Variants in C3 observed in about 807,000 individuals in gnomAD.
The protein encoded by C3 is C3 and PZP-like alpha-2-macroglobulin domain-containing protein 1.
A neutral mutation model predicts 207.9 loss-of-function variants in C3; 97 were observed. That is an observed-to-expected ratio of 0.47 (90% CI 0.40 to 0.55). C3 has a LOEUF of 0.55. Among genes scored for constraint, C3 ranks in the 20% least tolerant of loss-of-function variants. The pLI, the probability that C3 is intolerant of heterozygous loss-of-function variation, is 0.00. For synonymous variants in C3, 848 were observed against 857.6 expected (o/e 0.99, Z 0.20); for missense variants, 1,684 against 2,171.7 (o/e 0.78, Z 4.46).
chr19:6,683,446 A>ATTTTTTTTTTTTTTT (rs770744810), intron 33 of C3: 10 of 93,428 alleles, frequency 1.1e-4, no homozygotes, highest in East Asian at 3.0e-4. Context: ...GTTTTATTCT[A>ATTTTTTTTTTTTTTT]TTTTTTTTTT....
At chr19:6,714,275 C>T in intron 5 of C3, 27 bp from the exon 6 acceptor site, 1 of 1,613,100 alleles carries the variant, frequency 6.2e-7, no homozygotes, top group Non-Finnish European at 8.5e-7. Flanking sequence ...TGAGTGGTCT[C>T]TCAGGCCTCG....
intron 19 of C3, among the ~76,000 whole-genome samples, chr19:6,698,772 C>G (rs1170063885): frequency 6.6e-6 from 1 of 152,044 alleles, no homozygotes; most frequent in Non-Finnish European, 1.5e-5. Context: ...TGAAACACCA[C>G]TGAATTATAT....
At chr19:6,702,371 G>T (rs935963222) in intron 18 of C3, 100 bp downstream of exon 18, 2 of 1,004,200 alleles carry the variant, frequency 2.0e-6, no homozygotes, top group Non-Finnish European at 3.2e-6. Flanking sequence ...TGGGCTGTGG[G>T]GTTGCACTGT....
At chr19:6,704,877 G>T (rs1250860310) in intron 17 of C3, among the ~76,000 whole-genome samples, 1 of 150,132 alleles carries the variant, frequency 6.7e-6, no homozygotes, top group African/African-American at 2.5e-5. Flanking sequence ...CAGCCTGGGT[G>T]ACAGAGCAAG....
intron 26 of C3, among the ~76,000 whole-genome samples, chr19:6,691,989 AACACACAC>A (rs57940862): frequency 0.19 from 25,872 of 136,908 alleles, 2,429 homozygotes; most frequent in Non-Finnish European, 0.22. Context: ...CTCCATCTCA[AACACACAC>A]ACACACACAC....
intron 17 of C3, among the ~76,000 whole-genome samples, chr19:6,703,983 A>G (rs777306517): frequency 2.0e-4 from 31 of 152,044 alleles, no homozygotes; most frequent in Admixed American, 5.9e-4. Context: ...CAAAGAAAAA[A>G]ACACAAAAAA....
intron 4 of C3, among the ~76,000 whole-genome samples, chr19:6,714,741 A>G (rs1187323248): frequency 6.6e-6 from 1 of 152,186 alleles, no homozygotes; most frequent in South Asian, 2.1e-4. Flanking sequence ...AGGCACCCGT[A>G]ATCCCAGCTA....
chr19:6,707,293 C>A lies in C3; in HGVS notation c.2048-20G>T, dbSNP rs775412301. On this transcript the variant is annotated intron_variant, in intron 16 of 40. Transcript: ENST00000245907. ...TGCCGACTGCGGGAGCACGTGTTCC[C>A]CCAGGCCACACCCTCAGCCGGGGGC... is the stretch of plus-strand genomic sequence containing the variant. 3.1e-5 allele frequency: 49 copies of A among 1,604,708 alleles called. No homozygotes were observed. The highest frequency in any genetic ancestry group is 4.0e-5 in the Non-Finnish European group (47 of 1,175,882).
At chr19:6,697,982 A>C (rs1967574963) in intron 19 of C3, among the ~76,000 whole-genome samples, 188 bp from the exon 20 acceptor site, 1 of 148,194 alleles carries the variant, frequency 6.7e-6, no homozygotes, top group East Asian at 2.0e-4. Context: ...GCTGGGAGTT[A>C]CCATTATTTA....
At chr19:6,681,692 GTTGT>G (rs1174606984) in intron 35 of C3, among the ~76,000 whole-genome samples, 2 of 151,986 alleles carry the variant, frequency 1.3e-5, no homozygotes, top group Non-Finnish European at 2.9e-5. Flanking sequence ...TTTTTCAATG[GTTGT>G]TTAAGACTCT....
intron 4 of C3, chr19:6,717,759 G>T: frequency 4.3e-6 from 2 of 464,082 alleles, no homozygotes; most frequent in East Asian, 4.2e-5. Context: ...GTGTGGTCAT[G>T]CACGTTGTGC....
chr19:6,719,441 A>T lies in C3; in HGVS notation c.75-38T>A. 1 of 1,589,360 alleles carries T rather than the reference A, an allele frequency of 6.3e-7. No homozygotes were observed. Among genetic ancestry groups the T allele is most frequent in the Middle Eastern group, 1.7e-4 (1 of 5,902 alleles). ...GGCACGGGAGTGGGCTTGTCATTCC[A>T]CGGATGTGAGACGCCAGTCCTCACT... On this transcript the variant is annotated intron_variant, in intron 1 of 40. Transcript: ENST00000245907. This position sits in a 1 kb window ranked among gnomAD's most constrained non-coding sequence, Gnocchi z 5.4.
In C3 at chr19:6,702,588, G is replaced by A. The variant is rs771471321; in HGVS notation, c.2246-9C>T. 1 of 1,571,358 alleles carries A rather than the reference G, an allele frequency of 6.4e-7. No homozygotes were observed. The highest frequency in any genetic ancestry group is 8.8e-7 in the Non-Finnish European group (1 of 1,140,900). On this transcript the variant is annotated splice_polypyrimidine_tract_variant and intron_variant, in intron 17 of 40. Coordinates refer to ENST00000245907, the MANE Select transcript of C3 (RefSeq NM_000064.4). ...GTCCTCATCCAGGTTACCTGCAGGG[G>A]GTTTAGATCTGCATTTAGAACAGAG... is the stretch of plus-strand genomic sequence containing the variant.
rs148038674 is a variant in C3, at chr19:6,719,220, G to A, written c.258C>T (p.Val86=). The part of the protein sequence containing the change: ...LTPATNHMGN[V]TFTIPANREF... ...GCCAGTCTGCACTCACCGTGAAGGT[G>A]ACGTTGCCCATGTGGTTGGTGGCAG... Residue 86 remains valine (V), a synonymous_variant, in exon 2 of 41, where the codon GTC becomes GTT. Coordinates refer to ENST00000245907, the MANE Select transcript of C3 (RefSeq NM_000064.4). The surrounding 1 kb of genome is among the most constrained non-coding windows in gnomAD (Gnocchi z 5.4). The A allele has an allele frequency of 4.3e-5, 69 of 1,613,844 alleles. No individual in the cohort carries two copies. Among genetic ancestry groups the A allele is most frequent in the Non-Finnish European group, 5.7e-5 (67 of 1,179,916 alleles).
At chr19:6,688,065 C>A (rs1318440135) in intron 27 of C3, among the ~76,000 whole-genome samples, 1 of 151,172 alleles carries the variant, frequency 6.6e-6, no homozygotes, top group Non-Finnish European at 1.5e-5. Flanking sequence ...ACCGTGGTCT[C>A]GATCTCCTGA....
chr19:6,682,418 G>A (rs1029825737), intron 33 of C3, 189 bp from the exon 34 acceptor site: 11 of 604,720 alleles, frequency 1.8e-5, no homozygotes, highest in African/African-American at 1.7e-4. Context: ...AATGGTCAAG[G>A]TGATTAAGAG....
chr19:6,701,226 G>A (rs1024725259), intron 19 of C3, among the ~76,000 whole-genome samples: 5 of 152,136 alleles, frequency 3.3e-5, no homozygotes, highest in South Asian at 2.1e-4. Flanking sequence ...ATGAGCATGT[G>A]CACTGCTCCG....
chr19:6,707,064 C>T lies in C3; in HGVS notation c.2245+12G>A. ...CGGCCCCCTCCCCCTGTCCCCACCCCGTGGGACCTACTCCTGGCCAGGCCC... is the reference window on the plus strand; with the variant it reads ...CGGCCCCCTCCCCCTGTCCCCACCCTGTGGGACCTACTCCTGGCCAGGCCC... On this transcript the variant is annotated intron_variant, in intron 17 of 40. Transcript: ENST00000245907. 3.7e-6 allele frequency: 6 copies of T among 1,607,050 alleles called. No homozygotes were observed. The highest frequency in any genetic ancestry group is 1.1e-5 in the South Asian group (1 of 90,898).
chr19:6,702,617 G>T, intron 17 of C3, 38 bp from the exon 18 acceptor site: 1 of 1,410,412 alleles, frequency 7.1e-7, no homozygotes, highest in Non-Finnish European at 1.0e-6. Context: ...AACAGAGCAG[G>T]CCAGTTGCCA....
Sources: allele counts gnomAD v4.1 joint callset (sites outside exome capture counted in the v4.1 genomes callset), GRCh38; gene constraint gnomAD v4.1.1; non-coding constraint Gnocchi (gnomAD v3.1); transcripts MANE v1.5; gene names NCBI Gene and HGNC (gene_info 2026-07-23, HGNC 2026-07-21).